Variants in PLCE1 observed in about 807,000 individuals in gnomAD.
PLCE1 encodes the protein 1-phosphatidylinositol 4,5-bisphosphate phosphodiesterase epsilon-1.
PLCE1 carries 119 observed loss-of-function variants against 242.8 expected under a neutral mutation model. That is an observed-to-expected ratio of 0.49 (90% CI 0.42 to 0.57). The LOEUF (loss-of-function observed/expected upper bound fraction) is 0.57, where lower values mean the gene tolerates loss of function less well. Among genes scored for constraint, PLCE1 ranks in the 20% least tolerant of loss-of-function variants. The probability of loss-of-function intolerance (pLI) is 0.00; values close to 1 mark genes in which losing one functional copy is unlikely to be tolerated. For synonymous variants in PLCE1, 945 were observed against 1,017.4 expected (o/e 0.93, Z 1.35); for missense variants, 2,441 against 2,788.8 (o/e 0.88, Z 2.81).
intron 4 of PLCE1, among the ~76,000 whole-genome samples, chr10:94,217,939 C>CTT (rs141342503): frequency 4.9e-5 from 7 of 144,078 alleles, no homozygotes; most frequent in African/African-American, 1.8e-4. Context: ...ATGCTTCTTA[C>CTT]TTTTTTTTTT....
At position 94,132,231 on chromosome 10, in the gene PLCE1, T is replaced by C; in HGVS notation, c.1264T>C (p.Phe422Leu). The change falls in exon 3 of 33, where the codon TTC (phenylalanine) becomes CTC (leucine). Residue 422 changes from phenylalanine (F) to leucine (L), a missense_variant. Transcript: ENST00000371380. ...AAATACAGTTGGATCTCTACTCCAT[T>C]TCCTCACCAAGCTCCCAGCCTCCGA... ...TENTVGSLLH[F>L]LTKLPASETA... 6.2e-7 allele frequency: 1 copy of C among 1,614,098 alleles called. No individual in the cohort carries two copies.
chr10:94,200,998 A>C (rs1358737020), intron 4 of PLCE1, among the ~76,000 whole-genome samples: 1 of 152,254 alleles, frequency 6.6e-6, no homozygotes, highest in Non-Finnish European at 1.5e-5. Flanking sequence ...CTAAAGAGGC[A>C]TGATGACTGA....
intron 2 of PLCE1, among the ~76,000 whole-genome samples, chr10:94,127,343 A>C (rs868839688): frequency 3.3e-5 from 5 of 152,150 alleles, no homozygotes; most frequent in Admixed American, 6.5e-5. Context: ...ATGATCTAGG[A>C]TCCAGGATGG....
chr10:94,250,265 G>A (rs1402055469), intron 8 of PLCE1, among the ~76,000 whole-genome samples: 1 of 152,020 alleles, frequency 6.6e-6, no homozygotes, highest in East Asian at 1.9e-4. Context: ...ACTTTGGGAG[G>A]CCGAAGTGGG....
At chr10:94,291,486 T>C (rs1370676191) in intron 22 of PLCE1, among the ~76,000 whole-genome samples, 2 of 152,224 alleles carry the variant, frequency 1.3e-5, no homozygotes, top group Admixed American at 6.5e-5. Flanking sequence ...GCCACCAGGC[T>C]AACCATGTGG....
rs532543282 is a variant in PLCE1, at chr10:94,097,772, C to G, written c.1207-34402C>G. On this transcript the variant is annotated intron_variant, in intron 2 of 32. Transcript: ENST00000371380. Reference sequence around the variant, plus strand: ...TCAAAATAAGGGAACCCAGCAGGAGCCTGCTGCCATCGTCCAAGTATGTGG... The same window carrying G: ...TCAAAATAAGGGAACCCAGCAGGAGGCTGCTGCCATCGTCCAAGTATGTGG... Among the ~76,000 whole-genome samples, 253 of 152,292 alleles carry G rather than the reference C, an allele frequency of 1.7e-3. 1 individual carries two copies. The highest frequency in any genetic ancestry group is 5.8e-3 in the African/African-American group (243 of 41,554).
chr10:94,273,143 G>A (rs2051812973), intron 18 of PLCE1, among the ~76,000 whole-genome samples: 1 of 152,160 alleles, frequency 6.6e-6, no homozygotes, highest in South Asian at 2.1e-4. Flanking sequence ...TTTACACTAT[G>A]TGGACGCAAA....
At chr10:94,315,769 CAAAAAAAAA>C (rs10572287) in intron 28 of PLCE1, among the ~76,000 whole-genome samples, 5,003 of 122,920 alleles carry the variant, frequency 0.041, 283 homozygotes, top group African/African-American at 0.13. Flanking sequence ...GACTCTGTCT[CAAAAAAAAA>C]AAAAAAAAAA....
At chr10:94,133,344 A>T (rs1020921143) in intron 3 of PLCE1, among the ~76,000 whole-genome samples, 1 of 152,228 alleles carries the variant, frequency 6.6e-6, no homozygotes, top group African/African-American at 2.4e-5. Context: ...CATGAGCAGC[A>T]GACAGGCAGG....
chr10:94,039,389 T>TC (rs2061724255), intron 2 of PLCE1, among the ~76,000 whole-genome samples: 1 of 152,060 alleles, frequency 6.6e-6, no homozygotes, highest in African/African-American at 2.4e-5. Flanking sequence ...TATCTTTTTT[T>TC]TTTTTTCCCG....
intron 3 of PLCE1, among the ~76,000 whole-genome samples, chr10:94,154,826 G>C (rs906414520): frequency 6.6e-6 from 1 of 151,008 alleles, no homozygotes; most frequent in Admixed American, 6.6e-5. Context: ...ATTGCTTGAG[G>C]CCAGGAGTTC....
chr10:94,133,089 A>G (rs2046658639), intron 3 of PLCE1, among the ~76,000 whole-genome samples: 1 of 152,068 alleles, frequency 6.6e-6, no homozygotes, highest in South Asian at 2.1e-4. Flanking sequence ...GTCAATTACT[A>G]TGACAAGATG....
chr10:94,263,513 CAAAAAAAA>C (rs780289280), intron 14 of PLCE1, among the ~76,000 whole-genome samples: 1 of 76,858 alleles, frequency 1.3e-5, no homozygotes, highest in Non-Finnish European at 2.7e-5. Context: ...GACCCCATCT[CAAAAAAAA>C]AAAAAAAAAG....
intron 2 of PLCE1, among the ~76,000 whole-genome samples, chr10:94,072,933 G>C (rs1164658644): frequency 6.6e-6 from 1 of 152,046 alleles, no homozygotes; most frequent in African/African-American, 2.4e-5. Context: ...TGGGGGAGAG[G>C]GTGTACACCT....
intron 3 of PLCE1, among the ~76,000 whole-genome samples, chr10:94,158,753 T>C (rs937366970): frequency 6.6e-6 from 1 of 152,000 alleles, no homozygotes; most frequent in African/African-American, 2.4e-5. Context: ...TTTGTGAATA[T>C]TGTGTGTGTT....
intron 4 of PLCE1, among the ~76,000 whole-genome samples, chr10:94,191,468 C>A (rs28625176): frequency 6.6e-6 from 1 of 152,018 alleles, no homozygotes; most frequent in Non-Finnish European, 1.5e-5. Flanking sequence ...ATAGCGAGAC[C>A]CGGTCTCTAC....
intron 2 of PLCE1, among the ~76,000 whole-genome samples, chr10:94,062,948 C>T (rs796208771): frequency 4.6e-5 from 7 of 152,162 alleles, no homozygotes; most frequent in African/African-American, 1.7e-4. Context: ...TTCTCACATC[C>T]TTTCATCTCC....
At chr10:94,180,600 T>C (rs2048281283) in intron 4 of PLCE1, among the ~76,000 whole-genome samples, 1 of 152,232 alleles carries the variant, frequency 6.6e-6, no homozygotes, top group African/African-American at 2.4e-5. Context: ...CCTCTCTGTC[T>C]GTTCATTCCT....
intron 4 of PLCE1, among the ~76,000 whole-genome samples, chr10:94,220,376 T>TATATATATATATA (rs2049686957): frequency 9.7e-5 from 6 of 61,906 alleles, no homozygotes; most frequent in African/African-American, 2.5e-4. Context: ...ACTAAACATT[T>TATATATATATATA]TATATATATA....
Sources: gnomAD v4.1 joint callset for allele counts (sites outside exome capture counted in the v4.1 genomes callset) on GRCh38, gnomAD v4.1.1 for gene constraint, MANE v1.5 for transcripts, NCBI Gene and HGNC (gene_info 2026-07-23, HGNC 2026-07-21) for gene names.